The following KANK1 variants were observed in gnomAD, a reference collection of about 807,000 sequenced individuals.
The protein encoded by KANK1 is KN motif and ankyrin repeat domains 1.
KANK1 carries 109 observed loss-of-function variants against 106.2 expected under a neutral mutation model. That is an observed-to-expected ratio of 1.03 (90% CI 0.88 to 1.20). The LOEUF (loss-of-function observed/expected upper bound fraction) is 1.20. Among genes scored for constraint, KANK1 ranks in the 50% most tolerant of loss-of-function variants. The pLI is 0.00. For synonymous variants in KANK1, 873 were observed against 652.2 expected, an observed-to-expected ratio of 1.34 and a Z score of -5.16; for missense variants, 2,399 against 1,710.7, an observed-to-expected ratio of 1.40 and a Z score of -7.10.
At chr9:691,339 T>C (rs1819855345) in intron 2 of KANK1, among the ~76,000 whole-genome samples, 1 of 151,956 alleles carries the variant, frequency 6.6e-6, no homozygotes, top group African/African-American at 2.4e-5. Context: ...CTACATTCAG[T>C]ACTTTATTCG....
intron 3 of KANK1, among the ~76,000 whole-genome samples, chr9:483,538 A>G (rs142588037): frequency 2.0e-5 from 3 of 152,286 alleles, no homozygotes; most frequent in Non-Finnish European, 2.9e-5. Flanking sequence ...TTTCTCATCT[A>G]TAAAATGGGA....
At chr9:472,341 C>T (rs1476044295) in intron 2 of KANK1, among the ~76,000 whole-genome samples, 1 of 152,208 alleles carries the variant, frequency 6.6e-6, no homozygotes, top group East Asian at 1.9e-4. Context: ...TGGGGTTATG[C>T]CTCATTTCTG....
intron 1 of KANK1, among the ~76,000 whole-genome samples, chr9:661,420 C>T (rs554144414): frequency 1.1e-4 from 17 of 152,222 alleles, no homozygotes; most frequent in South Asian, 1.0e-3. Context: ...TGATGGTTTC[C>T]AGCTTCATCC....
chr9:745,039 C>A (rs1479108731), intron 11 of KANK1, 134 bp from the exon 12 acceptor site: 64 of 1,517,440 alleles, frequency 4.2e-5, no homozygotes, highest in African/African-American at 7.0e-5. Context: ...GTTCCCTGTT[C>A]TCAGCCAGAG....
chr9:629,547 T>TTC (rs1157469623), intron 1 of KANK1, among the ~76,000 whole-genome samples: 3 of 152,216 alleles, frequency 2.0e-5, no homozygotes, highest in Non-Finnish European at 2.9e-5. Flanking sequence ...TTCTCCTGCC[T>TTC]TCTGTAAAGG....
chr9:625,675 C>G (rs570783979), intron 1 of KANK1, among the ~76,000 whole-genome samples: 2 of 152,170 alleles, frequency 1.3e-5, no homozygotes, highest in Non-Finnish European at 2.9e-5. Context: ...GAAACAGCCC[C>G]CATAGAAACA....
At chr9:709,687 C>G (rs953199741) in intron 2 of KANK1, among the ~76,000 whole-genome samples, 4 of 150,694 alleles carry the variant, frequency 2.7e-5, no homozygotes, top group African/African-American at 9.8e-5. Context: ...GTGACCTCGC[C>G]TCACTGCAAC....
At chr9:551,870 A>G (rs1180460065) in intron 1 of KANK1, among the ~76,000 whole-genome samples, 2 of 151,446 alleles carry the variant, frequency 1.3e-5, no homozygotes, top group Non-Finnish European at 2.9e-5. Flanking sequence ...CAACATAGTA[A>G]GACCTTGTTT....
chr9:496,856 G>C (rs1352754369), intron 3 of KANK1, among the ~76,000 whole-genome samples: 1 of 152,154 alleles, frequency 6.6e-6, no homozygotes, highest in Non-Finnish European at 1.5e-5. Context: ...GGACAGGTTT[G>C]TACACATAAT....
chr9:618,739 A>T (rs1832457451), intron 1 of KANK1, among the ~76,000 whole-genome samples: 1 of 152,012 alleles, frequency 6.6e-6, no homozygotes, highest in Non-Finnish European at 1.5e-5. Context: ...ACAACATCCA[A>T]ACTGGTCATT....
intron 1 of KANK1, among the ~76,000 whole-genome samples, chr9:566,815 G>C (rs572791097): frequency 6.6e-6 from 1 of 152,082 alleles, no homozygotes; most frequent in African/African-American, 2.4e-5. Context: ...TGTTTACTTT[G>C]TTGATAGTTT....
At chr9:728,051 GACAA>G (rs1284480626) in intron 3 of KANK1, among the ~76,000 whole-genome samples, 4 of 151,996 alleles carry the variant, frequency 2.6e-5, no homozygotes, top group Non-Finnish European at 5.9e-5. Flanking sequence ...TCTTAGGAGT[GACAA>G]ACAGACTCTT....
At chr9:658,027 C>G (rs1588641605) in intron 1 of KANK1, among the ~76,000 whole-genome samples, 1 of 151,624 alleles carries the variant, frequency 6.6e-6, no homozygotes, top group East Asian at 1.9e-4. Context: ...GCATGAACCA[C>G]CATACCCAGT....
At chr9:626,410 C>T (rs1006603285) in intron 1 of KANK1, among the ~76,000 whole-genome samples, 3 of 152,026 alleles carry the variant, frequency 2.0e-5, no homozygotes, top group African/African-American at 7.2e-5. Context: ...AGCCGGGTGA[C>T]AGAGCGAGAC....
At chr9:592,335 G>T (rs945376583) in intron 1 of KANK1, among the ~76,000 whole-genome samples, 3 of 151,842 alleles carry the variant, frequency 2.0e-5, no homozygotes, top group Non-Finnish European at 4.4e-5. Flanking sequence ...GGAGCAGCGG[G>T]AAGCCGGGGG....
chr9:640,123 T>G (rs553234373), intron 1 of KANK1, among the ~76,000 whole-genome samples: 5 of 152,334 alleles, frequency 3.3e-5, no homozygotes, highest in South Asian at 4.1e-4. Context: ...AACCAAGAGT[T>G]TGTATTCCCA....
rs945087073 is a variant in KANK1, at chr9:745,391, G to C, written c.*156G>C. 1.2e-6 allele frequency: 1 copy of C among 869,174 alleles called. No homozygotes were observed. Among genetic ancestry groups the C allele is most frequent in the Non-Finnish European group, 1.8e-6 (1 of 548,784 alleles). 53.8% of individuals were successfully genotyped at this position (869,174 alleles called of 1,614,324 possible). ...TAAAGGCTGAAGCTTTCACAGTGCA[G>C]AGACTGCTAGCCTGGGCACACACAC... On this transcript the variant is annotated 3_prime_UTR_variant, in exon 12 of 12. Transcript: ENST00000382297.
chr9:536,952 G>A (rs942665894), intron 1 of KANK1, among the ~76,000 whole-genome samples: 1 of 152,262 alleles, frequency 6.6e-6, no homozygotes, highest in East Asian at 1.9e-4. Flanking sequence ...CTGGCAGCAC[G>A]CACCTTGCAG....
At chr9:634,641 G>C (rs10975522) in intron 1 of KANK1, among the ~76,000 whole-genome samples, 26,745 of 152,112 alleles carry the variant, frequency 0.18, 2,667 homozygotes, top group African/African-American at 0.24. Context: ...GGAAGGGAAT[G>C]AGTTTCAGGG....
Sources: gnomAD v4.1 joint callset for allele counts (sites outside exome capture counted in the v4.1 genomes callset) on GRCh38, gnomAD v4.1.1 for gene constraint, MANE v1.5 for transcripts, NCBI Gene and HGNC (gene_info 2026-07-23, HGNC 2026-07-21) for gene names.